Variants in RBFOX1 observed in about 807,000 individuals in gnomAD.
The protein encoded by RBFOX1 is RNA binding fox-1 homolog 1, also known as RNA binding protein fox-1 homolog 1.
In RBFOX1, 8 loss-of-function variants were observed where a neutral mutation model predicts 57.7. That is an observed-to-expected ratio of 0.14 (90% CI 0.08 to 0.25). The LOEUF is 0.25. RBFOX1 is among the 10% of genes least tolerant of loss of function. The pLI, the probability that RBFOX1 is intolerant of heterozygous loss-of-function variation, is 1.00. For missense variants in RBFOX1, 611 were observed against 548.5 expected, an observed-to-expected ratio of 1.11 and a Z score of -1.14; for synonymous variants, 326 against 222.4, an observed-to-expected ratio of 1.47 and a Z score of -4.15.
rs2154219126 is a variant in RBFOX1 at position 6,776,256 on chromosome 16, A to G, written c.-16+121606A>G. Among the ~76,000 whole-genome samples the G allele has an allele frequency of 2.6e-5, 4 of 151,956 alleles. No individual in the cohort carries two copies. In the South Asian group the frequency reaches 8.3e-4, roughly 32 times the overall value. ...GAAACCCAGTCTCTACTAAAAATAC[A>G]AAAAATTAGCCGGGCGTGGTGGCGG... is the stretch of plus-strand genomic sequence containing the variant. On this transcript the variant is annotated intron_variant, in intron 3 of 15. Coordinates refer to ENST00000550418, the MANE Select transcript of RBFOX1 (RefSeq NM_018723.4).
chr16:6,675,105 C>A (rs534053212), intron 3 of RBFOX1, among the ~76,000 whole-genome samples: 1 of 152,072 alleles, frequency 6.6e-6, no homozygotes, highest in East Asian at 1.9e-4. Context: ...GGGGTTTCAC[C>A]ATGTTGGCCA....
At chr16:5,256,450 C>T (rs1567241954) in intron 1 of RBFOX1, among the ~76,000 whole-genome samples, 1 of 152,158 alleles carries the variant, frequency 6.6e-6, no homozygotes, top group Admixed American at 6.5e-5. Context: ...TCAGTCTCCT[C>T]TTCTGGAAAG....
At chr16:5,465,679 G>T (rs139102557) in intron 1 of RBFOX1, among the ~76,000 whole-genome samples, 1 of 152,286 alleles carries the variant, frequency 6.6e-6, no homozygotes, top group Non-Finnish European at 1.5e-5. Flanking sequence ...GCTCATCTAA[G>T]AACTATAACA....
intron 3 of RBFOX1, among the ~76,000 whole-genome samples, chr16:6,760,584 C>G (rs768237671): frequency 3.3e-5 from 5 of 152,150 alleles, no homozygotes; most frequent in Admixed American, 6.5e-5. Context: ...AGCATTTGAT[C>G]TTGTTTTGCG....
At chr16:5,953,502 TC>T (rs1291505460) in intron 4 of RBFOX1, among the ~76,000 whole-genome samples, 2 of 151,810 alleles carry the variant, frequency 1.3e-5, no homozygotes, top group Non-Finnish European at 2.9e-5. Context: ...TCCCACCCTT[TC>T]CCCCCGAGTC....
intron 3 of RBFOX1, among the ~76,000 whole-genome samples, chr16:6,678,031 GA>G (rs2058036064): frequency 6.6e-6 from 1 of 152,134 alleles, no homozygotes; most frequent in Non-Finnish European, 1.5e-5. Context: ...AAGCTGAGAA[GA>G]AACAGCTGAA....
chr16:7,618,473 G>GT, intron 10 of RBFOX1, among the ~76,000 whole-genome samples: 1 of 151,830 alleles, frequency 6.6e-6, no homozygotes, highest in Non-Finnish European at 1.5e-5. Context: ...TTATTTCGTG[G>GT]TTTTCTCTAA....
At chr16:5,258,760 AC>A (rs1417752256) in intron 1 of RBFOX1, among the ~76,000 whole-genome samples, 1 of 152,138 alleles carries the variant, frequency 6.6e-6, no homozygotes, top group Non-Finnish European at 1.5e-5. Flanking sequence ...TATTAAACAT[AC>A]AAAAATTAGC....
chr16:7,616,231 A>G (rs979479709), intron 10 of RBFOX1, among the ~76,000 whole-genome samples: 4 of 152,250 alleles, frequency 2.6e-5, no homozygotes, highest in African/African-American at 9.6e-5. Context: ...GCAAAGAGGA[A>G]AAGTACATGC....
intron 1 of RBFOX1, among the ~76,000 whole-genome samples, chr16:6,164,459 T>C (rs2096901394): frequency 6.8e-6 from 1 of 147,638 alleles, no homozygotes. Context: ...TTTTTTGCAT[T>C]GTTATATTGA....
At chr16:5,800,159 C>A (rs924726980) in intron 3 of RBFOX1, among the ~76,000 whole-genome samples, 13 of 151,842 alleles carry the variant, frequency 8.6e-5, no homozygotes, top group Admixed American at 2.0e-4. Context: ...CCAGACTGTT[C>A]CAGAAAAAGT....
At chr16:5,484,855 C>A (rs2069670669) in intron 2 of RBFOX1, among the ~76,000 whole-genome samples, 1 of 150,908 alleles carries the variant, frequency 6.6e-6, no homozygotes, top group African/African-American at 2.4e-5. Flanking sequence ...GAGATCGTGT[C>A]ACTGCACTCC....
At chr16:6,630,087 A>G (rs1305684418) in intron 2 of RBFOX1, among the ~76,000 whole-genome samples, 1 of 151,870 alleles carries the variant, frequency 6.6e-6, no homozygotes, top group Admixed American at 6.6e-5. Context: ...GGGTTTTCAA[A>G]TCCCTCCTTG....
At chr16:7,558,424 T>C (rs2089385435) in intron 5 of RBFOX1, among the ~76,000 whole-genome samples, 1 of 152,094 alleles carries the variant, frequency 6.6e-6, no homozygotes. Context: ...TATATATGTA[T>C]AATTATACTG....
Position 7,303,773 on chromosome 16 carries a change from C to G in RBFOX1, c.28-214374C>G, listed in dbSNP as rs184829293. Among the ~76,000 whole-genome samples the G allele has an allele frequency of 5.8e-4, 88 of 151,340 alleles. No individual in the cohort carries two copies. In the South Asian group the frequency reaches 9.1e-3, roughly 16 times the overall value. On this transcript the variant is annotated intron_variant, in intron 4 of 15. Transcript: ENST00000550418. ...ACCCTCCCTCTCGCTCTCTCTCTCTCTCTCTCTCTGTCTCTCCCCTCCCTC... is the reference window on the plus strand; with the variant it reads ...ACCCTCCCTCTCGCTCTCTCTCTCTGTCTCTCTCTGTCTCTCCCCTCCCTC...
Position 6,622,221 on chromosome 16 carries a change from T to C in RBFOX1, c.-63-32382T>C, listed in dbSNP as rs564025871. On this transcript the variant is annotated intron_variant, in intron 2 of 15. Transcript: ENST00000550418. The stretch of plus-strand genomic sequence containing the variant: ...GCAGGTTGTAGGCATCTCTTAAGTA[T>C]AGTTCTGCACCACATAATGACGTTT... Among the ~76,000 whole-genome samples the C allele has an allele frequency of 3.3e-5, 5 of 152,348 alleles. No homozygotes were observed. In the South Asian group the frequency reaches 8.3e-4, roughly 25 times the overall value.
chr16:6,943,550 T>C (rs933991901), intron 3 of RBFOX1, among the ~76,000 whole-genome samples: 1 of 151,730 alleles, frequency 6.6e-6, no homozygotes, highest in African/African-American at 2.4e-5. Flanking sequence ...CTACTAAAAA[T>C]ACAAAAAATT....
rs111403619 is a variant in RBFOX1 at position 7,637,374 on chromosome 16, A to C, written c.757+6691A>C. On this transcript the variant is annotated intron_variant, in intron 11 of 15. Coordinates refer to ENST00000550418, the MANE Select transcript of RBFOX1 (RefSeq NM_018723.4). ...AATTCCTCATTTATTGACTTCTATG[A>C]AACTCAAGGGCAGGTGGTAGGGGCA... 4.8e-3 allele frequency among the ~76,000 whole-genome samples: 729 copies of C among 152,322 alleles called. 5 individuals carry two copies. Among genetic ancestry groups the C allele is most frequent in the African/African-American group, 0.017 (690 of 41,570 alleles).
At chr16:7,518,091 T>G (rs966673179) in intron 4 of RBFOX1, 56 bp from the exon 5 acceptor site, 20 of 1,563,510 alleles carry the variant, frequency 1.3e-5, no homozygotes, top group Non-Finnish European at 1.7e-5. Context: ...GGAAGGTTTC[T>G]GCATGGTGGC....
Sources: allele counts gnomAD v4.1 joint callset (sites outside exome capture counted in the v4.1 genomes callset), GRCh38; gene constraint gnomAD v4.1.1; transcripts MANE v1.5; gene names NCBI Gene and HGNC (gene_info 2026-07-23, HGNC 2026-07-21).